Variants in ZP3 observed in about 807,000 individuals in gnomAD.
The protein encoded by ZP3 is zona pellucida glycoprotein 3.
ZP3 carries 21 observed loss-of-function variants against 35.6 expected under a neutral mutation model. The ratio of observed to expected loss-of-function variants is 0.59; its 90% CI spans 0.42 to 0.85. The LOEUF (loss-of-function observed/expected upper bound fraction) is 0.85. ZP3 is among the 40% of genes least tolerant of loss of function. The pLI is 0.00. For missense variants in ZP3, 437 were observed against 536.5 expected (o/e 0.81, Z 1.83); for synonymous variants, 207 against 214.5 (o/e 0.96, Z 0.31).
At chr7:76,419,524 G>A (rs1805455207) in intron 1 of ZP3, among the ~76,000 whole-genome samples, 1 of 152,052 alleles carries the variant, frequency 6.6e-6, no homozygotes, top group Non-Finnish European at 1.5e-5. Flanking sequence ...TGTCCTAACA[G>A]CAATGTGTCT....
At chr7:76,431,871 C>G (rs1383003227) in intron 2 of ZP3, among the ~76,000 whole-genome samples, 1 of 144,990 alleles carries the variant, frequency 6.9e-6, no homozygotes, top group Non-Finnish European at 1.5e-5. Flanking sequence ...TGTACTCCAG[C>G]CTGGGAGACA....
chr7:76,398,854 G>A (rs1410116695), intron 1 of ZP3: 21 of 1,583,352 alleles, frequency 1.3e-5, no homozygotes, highest in Admixed American at 3.4e-5. Flanking sequence ...CTCACACCAC[G>A]GGGTGTTTAA....
chr7:76,432,912 C>T lies in ZP3; in HGVS notation c.432-15C>T, dbSNP rs769874551. 2 of 1,612,346 alleles carry T rather than the reference C, an allele frequency of 1.2e-6. No individual in the cohort carries two copies. The highest frequency in any genetic ancestry group is 2.7e-5 in the African/African-American group (2 of 75,016). ...GACCTGAGGCAGGTGTGCACAGCTG[C>T]TGTTCTTCTCTCAGGCAGGGCAATG... On this transcript the variant is annotated splice_polypyrimidine_tract_variant and intron_variant, in intron 2 of 7. Coordinates refer to ENST00000394857, the MANE Select transcript of ZP3 (RefSeq NM_001110354.2).
intron 7 of ZP3, 60 bp from the exon 8 acceptor site, chr7:76,441,782 C>T (rs1806207390): frequency 2.5e-6 from 4 of 1,610,618 alleles, no homozygotes; most frequent in Non-Finnish European, 3.4e-6. Context: ...AATAAAACCT[C>T]CAACCCAGTT....
At chr7:76,397,594 G>T (rs774638389) in exon 1 of ZP3, 3 of 1,607,996 alleles carry the variant, frequency 1.9e-6, no homozygotes, top group African/African-American at 1.3e-5. Context: ...AGGCTGCCAG[G>T]CGGGGCTCGC....
chr7:76,412,965 CTTT>C (rs1160174272), intron 1 of ZP3, among the ~76,000 whole-genome samples: 2 of 102,592 alleles, frequency 1.9e-5, no homozygotes. Context: ...TCTTCTTCTT[CTTT>C]TTTTTTTTTT....
upstream of ZP3, among the ~76,000 whole-genome samples, chr7:76,423,007 AAG>A (rs747350112): frequency 0.015 from 1,118 of 76,084 alleles, 45 homozygotes; most frequent in Non-Finnish European, 0.018. Context: ...AAAAGAAAGA[AAG>A]AGAGAGAGAG....
At chr7:76,427,012 G>A (rs997400041) in intron 1 of ZP3, among the ~76,000 whole-genome samples, 1 of 152,106 alleles carries the variant, frequency 6.6e-6, no homozygotes, top group Non-Finnish European at 1.5e-5. Flanking sequence ...CTACGATTGT[G>A]CCACTGCATT....
chr7:76,433,782 T>C, intron 4 of ZP3, 135 bp downstream of exon 4: 1 of 1,108,682 alleles, frequency 9.0e-7, no homozygotes, highest in Non-Finnish European at 1.3e-6. Flanking sequence ...CTCTGCAACC[T>C]CTGCCTCCCA....
At position 76,400,311 on chromosome 7, in the gene ZP3, G is replaced by A. The variant is rs138497833; in HGVS notation, c.-67+2514G>A. The A allele has an allele frequency of 2.3e-5, 34 of 1,500,460 alleles. No homozygotes were observed. The East Asian group carries it at 3.4e-4, about 15-fold the overall frequency. 92.9% of individuals were successfully genotyped at this position (1,500,460 alleles called of 1,614,324 possible). On this transcript the variant is annotated intron_variant, in intron 1 of 8. Coordinates refer to the ZP3 transcript ENST00000336517. ...CATCACACAGGACAGCCACATCCTC[G>A]TAGTGAAAGCAATTGTGGACGCCCC...
chr7:76,437,171 C>CTTTTTTTTTTTTTT (rs869115807), intron 5 of ZP3, among the ~76,000 whole-genome samples: 1 of 78,718 alleles, frequency 1.3e-5, no homozygotes, highest in Admixed American at 1.7e-4. Context: ...ACCCTGTGTA[C>CTTTTTTTTTTTTTT]TTTTTTTTTT....
intron 1 of ZP3, among the ~76,000 whole-genome samples, chr7:76,406,464 T>C (rs1359469627): frequency 1.3e-5 from 2 of 152,072 alleles, no homozygotes; most frequent in South Asian, 2.1e-4. Flanking sequence ...TAATTAATTT[T>C]TTTTACTTTA....
chr7:76,415,398 A>G (rs995222473), intron 1 of ZP3, among the ~76,000 whole-genome samples: 7 of 145,074 alleles, frequency 4.8e-5, no homozygotes, highest in Non-Finnish European at 6.0e-5. Context: ...ATGATTCAGC[A>G]CAAACTATTA....
At chr7:76,408,307 A>G (rs1805114267) in intron 1 of ZP3, among the ~76,000 whole-genome samples, 1 of 152,158 alleles carries the variant, frequency 6.6e-6, no homozygotes, top group South Asian at 2.1e-4. Context: ...GGCCCAGGAC[A>G]GCCCCCAGTG....
intron 1 of ZP3, among the ~76,000 whole-genome samples, chr7:76,402,484 A>G (rs1804864530): frequency 6.7e-6 from 1 of 149,532 alleles, no homozygotes; most frequent in African/African-American, 2.5e-5. Context: ...TCCTGGCCTA[A>G]TTTTTTAATT....
chr7:76,398,970 A>T (rs1045736604), intron 1 of ZP3, among the ~76,000 whole-genome samples: 1 of 152,166 alleles, frequency 6.6e-6, no homozygotes, highest in Non-Finnish European at 1.5e-5. Context: ...TCCACACCAG[A>T]GTCCTGGACT....
chr7:76,400,968 G>A (rs1255227918), intron 1 of ZP3: 22 of 1,550,684 alleles, frequency 1.4e-5, no homozygotes, highest in South Asian at 2.4e-5. Flanking sequence ...AGTACCTGGC[G>A]GACAGGTGAG....
At chr7:76,429,090 A>G in intron 1 of ZP3, 1 of 214,336 alleles carries the variant, frequency 4.7e-6, no homozygotes, top group Non-Finnish European at 9.5e-6. Context: ...GGGGGCATGG[A>G]GGGGGAGTGT....
rs140950138 is a variant in ZP3, at chr7:76,430,372, G to A, written c.431+739G>A. 8.0e-3 allele frequency among the ~76,000 whole-genome samples: 1,211 copies of A among 152,312 alleles called. 11 individuals are homozygous for A. Among genetic ancestry groups the A allele is most frequent in the Non-Finnish European group, 0.01 (700 of 68,024 alleles). ...CTATGGCTCCCAAGGACAACACTGG[G>A]TCCTGTGCTGGCCTCAGCATGGGGT... On this transcript the variant is annotated intron_variant, in intron 2 of 7. Transcript: ENST00000394857.
Sources: allele counts gnomAD v4.1 joint callset (sites outside exome capture counted in the v4.1 genomes callset), GRCh38; gene constraint gnomAD v4.1.1; transcripts MANE v1.5; gene names NCBI Gene and HGNC (gene_info 2026-07-23, HGNC 2026-07-21).